DNER: variants seen among roughly 807,000 people sequenced by gnomAD.
The protein encoded by DNER is delta and Notch-like epidermal growth factor-related receptor.
In DNER, 33 loss-of-function variants were observed where a neutral mutation model predicts 78.2. The observed-to-expected ratio is 0.42, with a 90% CI of 0.32 to 0.56. DNER has a LOEUF of 0.56. Ranked by LOEUF, DNER falls within the 20% of genes least tolerant of loss-of-function variation. The probability of loss-of-function intolerance (pLI) is 0.11; values close to 1 mark genes in which losing one functional copy is unlikely to be tolerated. For synonymous variants in DNER, 417 were observed against 384.8 expected (o/e 1.08, Z -0.98); for missense variants, 918 against 975.3 (o/e 0.94, Z 0.78).
intron 10 of DNER, among the ~76,000 whole-genome samples, chr2:229,393,757 G>T (rs1693070130): frequency 6.6e-6 from 1 of 152,066 alleles, no homozygotes; most frequent in South Asian, 2.1e-4. Flanking sequence ...TGAGGCAGGA[G>T]AATGGCGTGA....
At chr2:229,427,128 T>C (rs909291867) in intron 8 of DNER, among the ~76,000 whole-genome samples, 1 of 152,224 alleles carries the variant, frequency 6.6e-6, no homozygotes, top group Admixed American at 6.5e-5. Flanking sequence ...AAATTAAAGT[T>C]TTTGACTGTA....
chr2:229,635,573 G>A (rs1021605770), intron 1 of DNER, among the ~76,000 whole-genome samples: 2 of 152,134 alleles, frequency 1.3e-5, no homozygotes, highest in African/African-American at 4.8e-5. Context: ...AGCATAAAGG[G>A]AAGAGGAAGT....
chr2:229,366,568 A>C (rs1276927403), intron 12 of DNER, among the ~76,000 whole-genome samples: 1 of 152,234 alleles, frequency 6.6e-6, no homozygotes, highest in African/African-American at 2.4e-5. Flanking sequence ...AAAAAAATTC[A>C]ACAAAAAAAG....
rs1697438287 is a variant in DNER, at chr2:229,583,512, G to C, written c.847+2346C>G. On this transcript the variant is annotated intron_variant, in intron 4 of 12. Transcript: ENST00000341772. The stretch of plus-strand genomic sequence containing the variant: ...GAATGTTAATAGCTTTCAAACTGTT[G>C]TAAAGTCAAAAGTCATTAAGTGGAA... Among the ~76,000 whole-genome samples the C allele has an allele frequency of 2.6e-5, 4 of 152,218 alleles. No individual in the cohort carries two copies. In the South Asian group the frequency reaches 8.3e-4, roughly 32 times the overall value.
intron 5 of DNER, among the ~76,000 whole-genome samples, chr2:229,544,737 T>C (rs1696586486): frequency 6.6e-6 from 1 of 152,104 alleles, no homozygotes; most frequent in Non-Finnish European, 1.5e-5. Context: ...TTTCACCATG[T>C]TGGCCAGGCT....
At chr2:229,423,261 T>C (rs1693804166) in intron 8 of DNER, among the ~76,000 whole-genome samples, 1 of 152,124 alleles carries the variant, frequency 6.6e-6, no homozygotes, top group African/African-American at 2.4e-5. Flanking sequence ...AAAAACCCTG[T>C]TGATAACTTT....
At chr2:229,621,239 C>T (rs1441008690) in intron 1 of DNER, among the ~76,000 whole-genome samples, 1 of 152,222 alleles carries the variant, frequency 6.6e-6, no homozygotes, top group Non-Finnish European at 1.5e-5. Context: ...CCTGTTTCCC[C>T]ACAGTTTCTC....
intron 4 of DNER, among the ~76,000 whole-genome samples, chr2:229,579,918 C>T (rs1405769592): frequency 6.6e-6 from 1 of 152,020 alleles, no homozygotes; most frequent in Non-Finnish European, 1.5e-5. Context: ...ATCCTGGGGA[C>T]TGTGAAGGGC....
chr2:229,665,258 G>A (rs1253369614), intron 1 of DNER, among the ~76,000 whole-genome samples: 1 of 152,142 alleles, frequency 6.6e-6, no homozygotes, highest in African/African-American at 2.4e-5. Context: ...AATCTTGCCA[G>A]ATTGAAGAAA....
intron 1 of DNER, among the ~76,000 whole-genome samples, chr2:229,592,358 TG>T (rs1697624539): frequency 6.6e-6 from 1 of 152,246 alleles, no homozygotes. Context: ...TGTGCTTACC[TG>T]TATCTCTCAA....
At chr2:229,668,892 A>G (rs1699158474) in intron 1 of DNER, among the ~76,000 whole-genome samples, 1 of 152,034 alleles carries the variant, frequency 6.6e-6, no homozygotes, top group African/African-American at 2.4e-5. Flanking sequence ...AGAATTATAA[A>G]TTATTCTACT....
intron 6 of DNER, among the ~76,000 whole-genome samples, chr2:229,482,203 T>C (rs1423418207): frequency 2.0e-5 from 3 of 152,344 alleles, no homozygotes; most frequent in Non-Finnish European, 4.4e-5. Context: ...TGCCAAGTTA[T>C]TGTCACAACC....
At chr2:229,419,428 A>G (rs1275896646) in intron 8 of DNER, among the ~76,000 whole-genome samples, 1 of 152,234 alleles carries the variant, frequency 6.6e-6, no homozygotes, top group East Asian at 1.9e-4. Flanking sequence ...CAGAAAAAAT[A>G]AGCCCTTATC....
chr2:229,463,977 C>T (rs746346536), intron 7 of DNER, among the ~76,000 whole-genome samples: 1 of 152,128 alleles, frequency 6.6e-6, no homozygotes, highest in African/African-American at 2.4e-5. Flanking sequence ...AATCAGTGTG[C>T]GTGGCACCAG....
intron 1 of DNER, among the ~76,000 whole-genome samples, chr2:229,684,413 T>A (rs1699450337): frequency 6.6e-6 from 1 of 151,966 alleles, no homozygotes; most frequent in African/African-American, 2.4e-5. Flanking sequence ...GGATTTCAAA[T>A]ATTTGTTTTT....
intron 1 of DNER, among the ~76,000 whole-genome samples, chr2:229,702,689 A>G (rs977466856): frequency 2.0e-5 from 3 of 152,046 alleles, no homozygotes; most frequent in East Asian, 3.9e-4. Flanking sequence ...AGGCCGAGGC[A>G]GGCGGATCAC....
chr2:229,617,032 G>A (rs1054058238), intron 1 of DNER, among the ~76,000 whole-genome samples: 1 of 152,088 alleles, frequency 6.6e-6, no homozygotes, highest in African/African-American at 2.4e-5. Context: ...TGAAAAGCCG[G>A]GATTTCAACC....
intron 1 of DNER, among the ~76,000 whole-genome samples, chr2:229,690,154 CT>C (rs1382004530): frequency 6.6e-6 from 1 of 152,168 alleles, no homozygotes; most frequent in African/African-American, 2.4e-5. Context: ...TGTTAATATT[CT>C]GCTGAGACAC....
chr2:229,546,802 T>C lies in DNER; in HGVS notation c.993+145A>G, dbSNP rs5010431. 9.4e-3 allele frequency: 10,360 copies of C among 1,107,470 alleles called. 634 individuals are homozygous for C. The African/African-American group carries it at 0.14, about 15-fold the overall frequency. The allele number at this position is 1,107,470 out of a possible 1,614,324, so 68.6% of individuals were successfully genotyped here. On this transcript the variant is annotated intron_variant, in intron 5 of 12. Transcript: ENST00000341772. ...ACAGATAGACAGATAGATAGATAGA[T>C]AGACAGACAGACAGACAGACAGACA...
Sources: gnomAD v4.1 joint callset for allele counts (sites outside exome capture counted in the v4.1 genomes callset) on GRCh38, gnomAD v4.1.1 for gene constraint, MANE v1.5 for transcripts, NCBI Gene and HGNC (gene_info 2026-07-23, HGNC 2026-07-21) for gene names.